KCNJ9: variants seen among roughly 807,000 people sequenced by gnomAD.
KCNJ9 encodes potassium inwardly rectifying channel subfamily J member 9.
A neutral mutation model predicts 27.9 loss-of-function variants in KCNJ9; 18 were observed. The ratio of observed to expected loss-of-function variants is 0.65; its 90% CI spans 0.45 to 0.96. The LOEUF is 0.96. KCNJ9 is among the 40% of genes least tolerant of loss of function. KCNJ9 has a pLI of 0.00. For missense variants in KCNJ9, 324 were observed against 557.5 expected, an observed-to-expected ratio of 0.58 and a Z score of 4.22; for synonymous variants, 229 against 248.2, an observed-to-expected ratio of 0.92 and a Z score of 0.73.
chr1:160,086,094 C>A (rs1397018470), intron 2 of KCNJ9, among the ~76,000 whole-genome samples: 4 of 152,168 alleles, frequency 2.6e-5, no homozygotes, highest in Middle Eastern at 3.2e-3. Context: ...TCTCTTTGTA[C>A]CCCCAGCCCT....
Position 160,084,426 on chromosome 1 carries a change from C to A in KCNJ9, c.396C>A (p.Cys132Ter), listed in dbSNP as rs1294440338. The A allele has an allele frequency of 6.2e-7, 1 of 1,613,570 alleles. No homozygotes were observed. The highest frequency in any genetic ancestry group is 1.7e-5 in the Admixed American group (1 of 60,024). Residue 132 changes from cysteine (C) to a stop codon, truncating the protein, a stop_gained, in exon 2 of 3, where the codon TGC becomes TGA. Coordinates refer to ENST00000368088, the MANE Select transcript of KCNJ9 (RefSeq NM_004983.3). LOFTEE classifies it high-confidence loss of function. Reference protein sequence around the residue: ...GYGHRVITDQCPEGIVLLLLQ... With the variant: ...GYGHRVITDQ Reference sequence around the variant, plus strand: ...GGCACCGCGTCATCACCGACCAGTGCCCCGAGGGCATCGTGCTGCTGCTGC... The same window carrying A: ...GGCACCGCGTCATCACCGACCAGTGACCCGAGGGCATCGTGCTGCTGCTGC...
At chr1:160,084,984 G>A (rs919337125) in intron 2 of KCNJ9, 104 bp downstream of exon 2, 5 of 1,292,408 alleles carry the variant, frequency 3.9e-6, no homozygotes, top group Admixed American at 5.2e-5. Context: ...AGGATGGATG[G>A]AGGGGCTGGT....
intron 1 of KCNJ9, among the ~76,000 whole-genome samples, chr1:160,082,389 G>T (rs1557979987): frequency 1.3e-5 from 2 of 152,186 alleles, no homozygotes; most frequent in Non-Finnish European, 2.9e-5. Context: ...TTGCCATGGG[G>T]CTCTTGGACC....
At chr1:160,082,943 G>C (rs1246715419) in intron 1 of KCNJ9, among the ~76,000 whole-genome samples, 1 of 152,074 alleles carries the variant, frequency 6.6e-6, no homozygotes, top group Non-Finnish European at 1.5e-5. Context: ...GCAGGTGGGG[G>C]CGGGGCTGGT....
intron 2 of KCNJ9, 49 bp downstream of exon 2, chr1:160,084,929 G>A (rs1177171656): frequency 5.7e-6 from 8 of 1,402,068 alleles, no homozygotes; most frequent in Middle Eastern, 2.4e-4. Flanking sequence ...GGGTGGGCGG[G>A]ACCGAGGAAG....
chr1:160,087,428 G>C (rs977409605), intron 2 of KCNJ9, 58 bp from the exon 3 acceptor site: 16 of 1,539,268 alleles, frequency 1.0e-5, no homozygotes, highest in East Asian at 4.6e-5. Context: ...TGTGGAATGA[G>C]AAGAGGAGAG....
In KCNJ9 at chr1:160,088,154, A is replaced by G. The variant is rs1441534379; in HGVS notation, c.*337A>G. On this transcript the variant is annotated 3_prime_UTR_variant, in exon 3 of 3. Coordinates refer to ENST00000368088, the MANE Select transcript of KCNJ9 (RefSeq NM_004983.3). ...GCAGATAAAGACAGCTGACAGATAC[A>G]TAGATGGACCAGTAGACAACTGGTC... 1 of 260,646 alleles carries G rather than the reference A, an allele frequency of 3.8e-6. No homozygotes were observed. The highest frequency in any genetic ancestry group is 2.2e-5 in the African/African-American group (1 of 45,330). 16.1% of individuals were successfully genotyped at this position (260,646 alleles called of 1,614,324 possible).
In KCNJ9 at chr1:160,084,863, G is replaced by A. The variant is rs1243441593; in HGVS notation, c.833G>A (p.Gly278Asp). ...TTCGAGATCGTCGTTATCCTCGAGG[G>A]CATGGTGGAAGCCACGGGTGCGAGC... ...DDFEIVVILEGMVEATGMTCQ... is the reference protein window; with the variant it reads ...DDFEIVVILEDMVEATGMTCQ... Residue 278 changes from glycine to aspartate, a missense_variant, in exon 2 of 3, where the codon GGC (glycine) becomes GAC (aspartate). By Grantham distance (94) the Gly-to-Asp change is moderately conservative. Transcript: ENST00000368088. The A allele has an allele frequency of 3.3e-6, 5 of 1,532,302 alleles. No homozygotes were observed. Among genetic ancestry groups the A allele is most frequent in the Non-Finnish European group, 8.8e-7 (1 of 1,139,200 alleles). The allele number at this position is 1,532,302 out of a possible 1,614,324, so 94.9% of individuals were successfully genotyped here.
chr1:160,082,114 G>A (rs1270579223), intron 1 of KCNJ9, among the ~76,000 whole-genome samples: 1 of 152,228 alleles, frequency 6.6e-6, no homozygotes, highest in Non-Finnish European at 1.5e-5. Flanking sequence ...GAGTTCTGGG[G>A]GTGATCCGAC....
rs1007465347 is a variant in KCNJ9 at position 160,084,579 on chromosome 1, C to A, written c.549C>A (p.Asp183Glu). The A allele has an allele frequency of 3.1e-6, 5 of 1,610,554 alleles. No individual in the cohort carries two copies. The African/African-American group carries it at 5.3e-5, about 17-fold the overall frequency. The stretch of plus-strand genomic sequence containing the variant: ...CGCACGCCGTGGTGTCGCTGCGCGA[C>A]GGGCGCCTCTGCCTCATGTTCCGCG... ...FSSHAVVSLR[D>E]GRLCLMFRVG... is the part of the protein sequence containing the mutation. Residue 183 changes from aspartate to glutamate, a missense_variant, in exon 2 of 3, where the codon GAC becomes GAA. Around this residue, in one of 3 missense-constraint regions of KCNJ9, gnomAD observed 241 missense variants for 481.7 expected, o/e 0.50. Coordinates refer to ENST00000368088, the MANE Select transcript of KCNJ9 (RefSeq NM_004983.3).
intron 1 of KCNJ9, among the ~76,000 whole-genome samples, chr1:160,083,616 G>A (rs1241291433): frequency 6.6e-6 from 1 of 152,162 alleles, no homozygotes; most frequent in East Asian, 1.9e-4. Flanking sequence ...CCCCGGGGCT[G>A]CCCCTGAGGT....
In KCNJ9 at chr1:160,084,402, GCACCGCGTCAT is replaced by G; in HGVS notation, c.378_388del (p.Val127ProfsTer197). ...AGACCGAGACCACCATCGGCTACGG[GCACCGCGTCAT>G]CACCGACCAGTGCCCCGAGGGCATC... On this transcript the variant is annotated frameshift_variant, in exon 2 of 3. Coordinates refer to ENST00000368088, the MANE Select transcript of KCNJ9 (RefSeq NM_004983.3). LOFTEE classifies it high-confidence loss of function. 6.2e-7 allele frequency: 1 copy of G among 1,613,468 alleles called. No homozygotes were observed. The highest frequency in any genetic ancestry group is 8.5e-7 in the Non-Finnish European group (1 of 1,179,852).
rs1225000973 is a variant in KCNJ9 at position 160,082,750 on chromosome 1, G to A, written c.-115+1053G>A. ...AGGAAAGAGAAGGGAAGGTGGAAGA[G>A]TCCCAAATCCTATTCTAAACCTTTC... On this transcript the variant is annotated intron_variant, in intron 1 of 2. Coordinates refer to ENST00000368088, the MANE Select transcript of KCNJ9 (RefSeq NM_004983.3). Among the ~76,000 whole-genome samples the A allele has an allele frequency of 3.3e-5, 5 of 152,324 alleles. No individual in the cohort carries two copies. In the South Asian group the frequency reaches 1.0e-3, roughly 32 times the overall value.
chr1:160,084,114 T>C lies in KCNJ9; in HGVS notation c.84T>C (p.Asp28=). 1 of 1,552,624 alleles carries C rather than the reference T, an allele frequency of 6.4e-7. No homozygotes were observed. Reference sequence around the variant, plus strand: ...GCCGCCAGCGCTACGTGGAGAAGGATGGCCGGTGCAACGTGCAGCAGGGCA... The same window carrying C: ...GCCGCCAGCGCTACGTGGAGAAGGACGGCCGGTGCAACGTGCAGCAGGGCA... The part of the protein sequence containing the change: ...RRGRQRYVEK[D]GRCNVQQGNV... The change falls in exon 2 of 3, where the codon GAT becomes GAC. Residue 28 remains aspartate, a synonymous_variant. Transcript: ENST00000368088.
At chr1:160,085,703 T>TA (rs1649764692) in intron 2 of KCNJ9, among the ~76,000 whole-genome samples, 1 of 152,188 alleles carries the variant, frequency 6.6e-6, no homozygotes, top group African/African-American at 2.4e-5. Context: ...AGACCAGTGT[T>TA]ACAGGAGTCG....
intron 2 of KCNJ9, 137 bp from the exon 3 acceptor site, chr1:160,087,349 A>T: frequency 7.8e-7 from 1 of 1,288,712 alleles, no homozygotes; most frequent in Non-Finnish European, 1.0e-6. Context: ...GAGGGGGGGA[A>T]ATGGACTGGA....
intron 1 of KCNJ9, among the ~76,000 whole-genome samples, chr1:160,083,379 G>A (rs927614499): frequency 7.9e-5 from 12 of 152,196 alleles, no homozygotes; most frequent in African/African-American, 2.9e-4. Context: ...GAGTGAGTGA[G>A]GTCCAAGGAG....
Position 160,087,876 on chromosome 1 carries a change from T to C in KCNJ9, c.*59T>C. On this transcript the variant is annotated 3_prime_UTR_variant, in exon 3 of 3. Transcript: ENST00000368088. ...GGCCAGACACAGATACATGGGGAAC[T>C]GCATATCGGAGGTGGTGGAGGAGGA... 7.3e-7 allele frequency: 1 copy of C among 1,370,430 alleles called. No homozygotes were observed. Among genetic ancestry groups the C allele is most frequent in the South Asian group, 1.9e-5 (1 of 54,016 alleles). 84.9% of individuals were successfully genotyped at this position (1,370,430 alleles called of 1,614,324 possible). A position where few individuals can be genotyped will look rare whatever the true frequency, so the allele number is the denominator to read the frequency against.
At chr1:160,082,526 C>T (rs977932363) in intron 1 of KCNJ9, among the ~76,000 whole-genome samples, 29 of 152,194 alleles carry the variant, frequency 1.9e-4, no homozygotes, top group African/African-American at 6.3e-4. Context: ...CACACCCTCT[C>T]CAGAGTGCTG....
Sources: gnomAD v4.1 joint callset for allele counts (sites outside exome capture counted in the v4.1 genomes callset) on GRCh38, gnomAD v4.1.1 for gene constraint, gnomAD v4.1.1 regional missense constraint, MANE v1.5 for transcripts, NCBI Gene and HGNC (gene_info 2026-07-23, HGNC 2026-07-21) for gene names.